The following N4BP2L2 variants were observed in gnomAD, a reference collection of about 807,000 sequenced individuals.
N4BP2L2 encodes NEDD4 binding protein 2 like 2.
Under a neutral mutation model 56.2 loss-of-function variants are expected in N4BP2L2, and 50 were observed. The ratio of observed to expected loss-of-function variants is 0.89; its 90% CI spans 0.71 to 1.13. N4BP2L2 has a LOEUF of 1.13. Among genes scored for constraint, N4BP2L2 ranks in the 50% most tolerant of loss-of-function variants. N4BP2L2 has a pLI of 0.00. For synonymous variants in N4BP2L2, 203 were observed against 223.6 expected (o/e 0.91, Z 0.82); for missense variants, 689 against 693.8 (o/e 0.99, Z 0.08).
downstream of N4BP2L2, chr13:32,505,798 C>G (rs1038341257): frequency 3.3e-5 from 5 of 152,132 alleles, no homozygotes; most frequent in African/African-American, 2.4e-5. Context: ...ATGTATACCT[C>G]TAAGATGACA....
exon 6 of N4BP2L2, chr13:32,517,783 T>A (rs2049566367): frequency 2.5e-6 from 4 of 1,611,216 alleles, no homozygotes; most frequent in Non-Finnish European, 3.4e-6. Context: ...AACAAATGTG[T>A]TAGCTGAAAA....
At chr13:32,470,253 T>A (rs768729329) in intron 6 of N4BP2L2, among the ~76,000 whole-genome samples, 3 of 152,152 alleles carry the variant, frequency 2.0e-5, no homozygotes, top group Non-Finnish European at 4.4e-5. Context: ...CAGTTTGCCT[T>A]CATGGGAGGG....
intron 6 of N4BP2L2, among the ~76,000 whole-genome samples, chr13:32,474,068 T>C (rs1322152610): frequency 6.6e-6 from 1 of 152,218 alleles, no homozygotes; most frequent in Non-Finnish European, 1.5e-5. Context: ...AAGGGTATCA[T>C]GGTTATGAAA....
chr13:32,442,540 C>T (rs1467103293), exon 7 of N4BP2L2: 4 of 1,613,714 alleles, frequency 2.5e-6, no homozygotes, highest in African/African-American at 1.3e-5. Context: ...TTTCAGCTTT[C>T]TATCAAACCT....
At chr13:32,507,603 G>A (rs1036060187), downstream of N4BP2L2, 1 of 152,112 alleles carries the variant, frequency 6.6e-6, no homozygotes, top group Non-Finnish European at 1.5e-5. Flanking sequence ...CTAGGCATAG[G>A]AAGAGTAGAC....
rs922611151 is a variant in N4BP2L2, at chr13:32,446,286, G to C, written c.366-2160C>G. On this transcript the variant is annotated intron_variant, in intron 6 of 9. Transcript: ENST00000357505. ...AATGTACCTAGAAACAGTTGTGATG[G>C]GGCCTCTATAAAAAGGATATTGAGT... 3.9e-6 allele frequency: 4 copies of C among 1,031,114 alleles called. No individual in the cohort carries two copies. The African/African-American group carries it at 4.9e-5, about 13-fold the overall frequency. 63.9% of individuals were successfully genotyped at this position (1,031,114 alleles called of 1,614,324 possible).
chr13:32,488,869 T>C (rs1344136801), intron 6 of N4BP2L2, among the ~76,000 whole-genome samples: 1 of 152,198 alleles, frequency 6.6e-6, no homozygotes, highest in Non-Finnish European at 1.5e-5. Flanking sequence ...ATATTTAAGC[T>C]CCACTTTAGA....
rs1401839374 is a variant in N4BP2L2 at position 32,535,757 on chromosome 13, T to C, written c.1259+12A>G. On this transcript the variant is annotated intron_variant, in intron 2 of 5. Coordinates refer to ENST00000267068, the Ensembl canonical transcript of N4BP2L2. ...TGAATTACCAAGTATTCAGTTGGTATCCTTTACTTACCGAGACAATGTTGT... is the reference window on the plus strand; with the variant it reads ...TGAATTACCAAGTATTCAGTTGGTACCCTTTACTTACCGAGACAATGTTGT... 5 of 1,607,256 alleles carry C rather than the reference T, an allele frequency of 3.1e-6. No homozygotes were observed. Among genetic ancestry groups the C allele is most frequent in the Non-Finnish European group, 4.2e-6 (5 of 1,176,872 alleles).
At chr13:32,492,328 G>A (rs75481481) in intron 6 of N4BP2L2, among the ~76,000 whole-genome samples, 2 of 140,274 alleles carry the variant, frequency 1.4e-5, no homozygotes, top group Non-Finnish European at 3.0e-5. Context: ...TGTCGGCGAG[G>A]CTGGAGTGCG....
intron 6 of N4BP2L2, among the ~76,000 whole-genome samples, chr13:32,459,487 T>C (rs1326199466): frequency 7.2e-6 from 1 of 139,202 alleles, no homozygotes; most frequent in Non-Finnish European, 1.5e-5. Flanking sequence ...CATCATAGAC[T>C]GTTATGAAAA....
chr13:32,463,663 C>CA (rs35920030), intron 6 of N4BP2L2, among the ~76,000 whole-genome samples: 55,024 of 103,660 alleles, frequency 0.53, 13,455 homozygotes, highest in Middle Eastern at 0.7. Flanking sequence ...GACTTGGTCT[C>CA]AAAAAAAAAA....
chr13:32,453,212 C>T (rs1442123484), intron 6 of N4BP2L2, among the ~76,000 whole-genome samples: 4 of 152,098 alleles, frequency 2.6e-5, no homozygotes, highest in Non-Finnish European at 4.4e-5. Context: ...GCCCAGATCT[C>T]GCCACTGCAC....
chr13:32,516,883 A>G (rs2049347314), exon 6 of N4BP2L2: 4 of 984,308 alleles, frequency 4.1e-6, no homozygotes, highest in African/African-American at 1.7e-5. Context: ...GAATGACAAG[A>G]CCTCTGAAAT....
At chr13:32,527,185 C>A in intron 3 of N4BP2L2, 1 of 467,774 alleles carries the variant, frequency 2.1e-6, no homozygotes, top group South Asian at 3.1e-5. Context: ...TTACAGTTTA[C>A]AAAGCGTTTT....
At chr13:32,482,875 A>C (rs1194919217) in intron 6 of N4BP2L2, among the ~76,000 whole-genome samples, 1 of 152,256 alleles carries the variant, frequency 6.6e-6, no homozygotes, top group Admixed American at 6.5e-5. Flanking sequence ...CACTAATTTC[A>C]TATGACAATA....
intron 6 of N4BP2L2, among the ~76,000 whole-genome samples, chr13:32,481,764 TTGAC>T (rs2084793773): frequency 6.6e-6 from 1 of 152,224 alleles, no homozygotes; most frequent in Non-Finnish European, 1.5e-5. Context: ...GCTTTCCTTC[TTGAC>T]TATTATTCAA....
intron 6 of N4BP2L2, among the ~76,000 whole-genome samples, chr13:32,464,481 A>T (rs1249692353): frequency 6.6e-6 from 1 of 152,200 alleles, no homozygotes; most frequent in Non-Finnish European, 1.5e-5. Context: ...GAGAAAGCTC[A>T]CGTCCAACAG....
chr13:32,504,490 C>T (rs979657235), intron 6 of N4BP2L2: 5 of 152,112 alleles, frequency 3.3e-5, no homozygotes, highest in Non-Finnish European at 5.9e-5. Flanking sequence ...ATATGTATAA[C>T]GTCATTTTAT....
intron 3 of N4BP2L2, chr13:32,526,818 G>GTTTTTTTTTTGTTTT (rs2053012893): frequency 4.1e-5 from 1 of 24,236 alleles, no homozygotes; most frequent in Non-Finnish European, 7.9e-5. Context: ...CTTTTTGTCT[G>GTTTTTTTTTTGTTTT]TTTTTTTTTT....
Sources: allele counts gnomAD v4.1 joint callset (sites outside exome capture counted in the v4.1 genomes callset), GRCh38; gene constraint gnomAD v4.1.1; transcripts MANE v1.5; gene names NCBI Gene and HGNC (gene_info 2026-07-23, HGNC 2026-07-21).